The following PLXDC2 variants were observed in gnomAD, a reference collection of about 807,000 sequenced individuals.
PLXDC2 encodes the protein plexin domain containing 2, also known as plexin domain-containing protein 2.
PLXDC2 carries 40 observed loss-of-function variants against 68.9 expected under a neutral mutation model. The observed-to-expected ratio is 0.58, with a 90% CI of 0.45 to 0.76. The LOEUF is 0.76. PLXDC2 is among the 30% of genes least tolerant of loss of function. The pLI is 0.00. For missense variants in PLXDC2, 644 were observed against 661.9 expected (o/e 0.97, Z 0.30); for synonymous variants, 243 against 234.2 (o/e 1.04, Z -0.34).
intron 6 of PLXDC2, among the ~76,000 whole-genome samples, chr10:20,160,165 A>G (rs528170225): frequency 4.9e-4 from 74 of 152,284 alleles, no homozygotes; most frequent in African/African-American, 1.6e-3. Flanking sequence ...TATCAAATGG[A>G]CAGTGTGTAT....
At chr10:19,875,619 G>A (rs1355046593) in intron 1 of PLXDC2, among the ~76,000 whole-genome samples, 1 of 152,158 alleles carries the variant, frequency 6.6e-6, no homozygotes. Flanking sequence ...ACTAGTCAAT[G>A]TTCAATCTCT....
At chr10:19,829,154 C>CTTTTTTTTTTTTTTTTTTTT (rs71388870) in intron 1 of PLXDC2, among the ~76,000 whole-genome samples, 8 of 94,416 alleles carry the variant, frequency 8.5e-5, no homozygotes, top group East Asian at 3.4e-4. Flanking sequence ...ACGCTTTCCT[C>CTTTTTTTTTTTTTTTTTTTT]TTTTTTTTTT....
At position 20,219,074 on chromosome 10, in the gene PLXDC2, G is replaced by A; in HGVS notation, c.1284G>A (p.Lys428=). 6.2e-7 allele frequency: 1 copy of A among 1,607,872 alleles called. No homozygotes were observed. The highest frequency in any genetic ancestry group is 1.1e-5 in the South Asian group (1 of 90,194). ...PTSLPTEDDT[K]IALHLKDNGA... ...GAATTTCTCTTCCAGATGATACCAA[G>A]ATAGCACTACATCTAAAAGATAATG... Residue 428 remains lysine, a synonymous_variant, in exon 12 of 14, where the codon AAG becomes AAA. Transcript: ENST00000377252.
chr10:20,214,521 G>C (rs546145482), intron 10 of PLXDC2, among the ~76,000 whole-genome samples: 2 of 152,140 alleles, frequency 1.3e-5, no homozygotes, highest in South Asian at 2.1e-4. Context: ...GGCAAATTCT[G>C]CTTTTTTAAC....
At position 19,819,374 on chromosome 10, in the gene PLXDC2, AAT is replaced by A. The variant is rs1836421010; in HGVS notation, c.112+2186_112+2187del. 2.0e-5 allele frequency among the ~76,000 whole-genome samples: 3 copies of A among 152,188 alleles called. No individual in the cohort carries two copies. In the South Asian group the frequency reaches 6.2e-4, roughly 31 times the overall value. Reference sequence around the variant, plus strand: ...CATTTACATGTAGTTTTATGAAAAAAATATTGTAATTAAATGGTTAGCTTACT... The same window carrying A: ...CATTTACATGTAGTTTTATGAAAAAAATTGTAATTAAATGGTTAGCTTACT... On this transcript the variant is annotated intron_variant, in intron 1 of 13. Coordinates refer to ENST00000377252, the MANE Select transcript of PLXDC2 (RefSeq NM_032812.9).
At chr10:20,084,880 G>GAA (rs11315173) in intron 4 of PLXDC2, among the ~76,000 whole-genome samples, 1 of 140,020 alleles carries the variant, frequency 7.1e-6, no homozygotes, top group Non-Finnish European at 1.6e-5. Flanking sequence ...CGTGGCAGAG[G>GAA]AAAAAAAAAA....
intron 13 of PLXDC2, among the ~76,000 whole-genome samples, chr10:20,270,318 C>G (rs901982519): frequency 2.0e-5 from 3 of 152,106 alleles, no homozygotes; most frequent in African/African-American, 7.2e-5. Context: ...ATATTCGATT[C>G]CCAGTACTCC....
At chr10:20,143,250 A>G (rs772776272) in intron 4 of PLXDC2, 45 bp from the exon 5 acceptor site, 72 of 1,556,652 alleles carry the variant, frequency 4.6e-5, no homozygotes, top group South Asian at 1.2e-5. Context: ...ATAATTTTAT[A>G]TGGGCTTCTT....
rs181854152 is a variant in PLXDC2, at chr10:19,990,460, T to C, written c.113-11315T>C. Among the ~76,000 whole-genome samples, 28 of 151,620 alleles carry C rather than the reference T, an allele frequency of 1.8e-4. 1 individual carries two copies. The highest frequency in any genetic ancestry group is 1.7e-3 in the Admixed American group (26 of 15,190). ...TTTGCTTTTGTGAGTTATGAAAACC[T>C]TTTATAAAAATGTAATTCAAAAATA... On this transcript the variant is annotated intron_variant, in intron 1 of 13. Transcript: ENST00000377252.
rs1052086109 is a variant in PLXDC2 at position 19,957,301 on chromosome 10, G to T, written c.113-44474G>T. ...GTAGTTCTTTGTTGACTCTATAAATGATTTACTGTAAATGCTCATTGTAAG... is the reference window on the plus strand; with the variant it reads ...GTAGTTCTTTGTTGACTCTATAAATTATTTACTGTAAATGCTCATTGTAAG... On this transcript the variant is annotated intron_variant, in intron 1 of 13. Coordinates refer to ENST00000377252, the MANE Select transcript of PLXDC2 (RefSeq NM_032812.9). Among the ~76,000 whole-genome samples, 162 of 152,170 alleles carry T rather than the reference G, an allele frequency of 1.1e-3. 1 individual carries two copies. The highest frequency in any genetic ancestry group is 3.8e-3 in the African/African-American group (159 of 41,544).
At chr10:20,007,936 G>A (rs1247666631) in intron 2 of PLXDC2, among the ~76,000 whole-genome samples, 1 of 152,180 alleles carries the variant, frequency 6.6e-6, no homozygotes, top group Non-Finnish European at 1.5e-5. Flanking sequence ...TATTATTCAT[G>A]TGCATGGAAG....
intron 2 of PLXDC2, among the ~76,000 whole-genome samples, chr10:20,036,014 A>G (rs1835571776): frequency 6.6e-6 from 1 of 152,162 alleles, no homozygotes; most frequent in Admixed American, 6.6e-5. Context: ...TTATATTAGA[A>G]AGCTTGAATG....
intron 1 of PLXDC2, 75 bp from the exon 2 acceptor site, chr10:20,001,700 C>T (rs1416712217): frequency 6.6e-6 from 9 of 1,364,970 alleles, no homozygotes; most frequent in Non-Finnish European, 9.2e-6. Flanking sequence ...ATTCTTTTTT[C>T]TTCTCGAGCC....
At chr10:19,958,527 C>A (rs1227963703) in intron 1 of PLXDC2, among the ~76,000 whole-genome samples, 1 of 152,116 alleles carries the variant, frequency 6.6e-6, no homozygotes, top group Non-Finnish European at 1.5e-5. Context: ...CTGATAAAGC[C>A]AAGTATCTCT....
chr10:19,908,677 A>G (rs1401538822), intron 1 of PLXDC2, among the ~76,000 whole-genome samples: 2 of 152,172 alleles, frequency 1.3e-5, no homozygotes, highest in African/African-American at 4.8e-5. Flanking sequence ...TGTATTTCTC[A>G]GTGGTGCTAT....
intron 1 of PLXDC2, among the ~76,000 whole-genome samples, chr10:19,983,630 T>A (rs1306069807): frequency 1.3e-5 from 2 of 152,200 alleles, no homozygotes; most frequent in Admixed American, 6.5e-5. Context: ...GTAGCTTTAT[T>A]TCCTTCTGCC....
At chr10:19,888,285 A>G (rs1325081828) in intron 1 of PLXDC2, among the ~76,000 whole-genome samples, 1 of 152,220 alleles carries the variant, frequency 6.6e-6, no homozygotes, top group Admixed American at 6.5e-5. Flanking sequence ...AGTGTACAGA[A>G]CAACTGGGAA....
intron 1 of PLXDC2, among the ~76,000 whole-genome samples, chr10:19,862,187 T>G (rs1476426328): frequency 1.3e-5 from 2 of 152,218 alleles, no homozygotes; most frequent in East Asian, 3.8e-4. Context: ...CCGCCAAAAT[T>G]ATTTAAACTA....
chr10:19,937,832 GAGAAGGAGGCAAC>G, intron 1 of PLXDC2, among the ~76,000 whole-genome samples: 1 of 152,018 alleles, frequency 6.6e-6, no homozygotes, highest in African/African-American at 2.4e-5. Context: ...GAAAGAGGCA[GAGAAGGAGGCAAC>G]GTCCAGTCCT....
Sources: allele counts gnomAD v4.1 joint callset (sites outside exome capture counted in the v4.1 genomes callset), GRCh38; gene constraint gnomAD v4.1.1; transcripts MANE v1.5; gene names NCBI Gene and HGNC (gene_info 2026-07-23, HGNC 2026-07-21).